CMC1: variants seen among roughly 807,000 people sequenced by gnomAD.
CMC1 encodes the protein C-X9-C motif containing 1.
A neutral mutation model predicts 14.1 loss-of-function variants in CMC1; 14 were observed. That is an observed-to-expected ratio of 0.99 (90% CI 0.66 to 1.55). CMC1 has a LOEUF of 1.55. Ranked by LOEUF, CMC1 falls within the 40% of genes most tolerant of loss-of-function variation. The pLI is 0.00. For missense variants in CMC1, 127 were observed against 123.8 expected, an observed-to-expected ratio of 1.03 and a Z score of -0.12; for synonymous variants, 50 against 38.4, an observed-to-expected ratio of 1.30 and a Z score of -1.12.
chr3:28,258,100 T>C (rs1699518779), intron 1 of CMC1, among the ~76,000 whole-genome samples: 1 of 136,896 alleles, frequency 7.3e-6, no homozygotes, highest in Non-Finnish European at 1.5e-5. Context: ...ACAATTTGCA[T>C]ATCATCTTTT....
At chr3:28,308,764 C>T (rs1702465129) in intron 2 of CMC1, among the ~76,000 whole-genome samples, 1 of 152,042 alleles carries the variant, frequency 6.6e-6, no homozygotes, top group African/African-American at 2.4e-5. Flanking sequence ...GTGGGCGGAT[C>T]ACAAGGTCAG....
At chr3:28,268,950 TATC>T in intron 2 of CMC1, among the ~76,000 whole-genome samples, 1 of 152,354 alleles carries the variant, frequency 6.6e-6, no homozygotes, top group South Asian at 2.1e-4. Flanking sequence ...TATCATTTCA[TATC>T]ATCATCATAA....
chr3:28,250,394 A>T (rs1699073247), intron 1 of CMC1, among the ~76,000 whole-genome samples: 2 of 152,202 alleles, frequency 1.3e-5, no homozygotes, highest in South Asian at 2.1e-4. Flanking sequence ...GAGGTTGAAG[A>T]TGGAAAATAA....
chr3:28,294,624 G>T (rs1701648521), intron 2 of CMC1: 1 of 179,364 alleles, frequency 5.6e-6, no homozygotes, highest in Admixed American at 6.5e-5. Flanking sequence ...ATGTAGGCAA[G>T]TTAAAGTCAA....
intron 2 of CMC1, among the ~76,000 whole-genome samples, chr3:28,302,859 T>C (rs1702123847): frequency 6.6e-6 from 1 of 152,186 alleles, no homozygotes; most frequent in Non-Finnish European, 1.5e-5. Flanking sequence ...GTGAGATACC[T>C]GGCCTGGGTT....
intron 2 of CMC1, among the ~76,000 whole-genome samples, chr3:28,314,471 A>T (rs1325063231): frequency 6.6e-6 from 1 of 152,320 alleles, no homozygotes; most frequent in Non-Finnish European, 1.5e-5. Flanking sequence ...TAAAGAAGAT[A>T]CTTGATTACG....
intron 2 of CMC1, among the ~76,000 whole-genome samples, chr3:28,280,801 G>C (rs1700849166): frequency 6.6e-6 from 1 of 152,210 alleles, no homozygotes; most frequent in Non-Finnish European, 1.5e-5. Flanking sequence ...TGTAGTCACA[G>C]TAAGTGTGTT....
At chr3:28,308,875 C>T (rs543187442) in intron 2 of CMC1, among the ~76,000 whole-genome samples, 15 of 151,798 alleles carry the variant, frequency 9.9e-5, no homozygotes, top group Middle Eastern at 3.4e-3. Flanking sequence ...CCCAGCTACT[C>T]GGGAGGCTGA....
chr3:28,271,455 G>A (rs1162428141), intron 2 of CMC1, among the ~76,000 whole-genome samples: 1 of 152,160 alleles, frequency 6.6e-6, no homozygotes, highest in Non-Finnish European at 1.5e-5. Flanking sequence ...TTATTAAATA[G>A]GGAATCCTTT....
intron 1 of CMC1, among the ~76,000 whole-genome samples, chr3:28,243,700 C>A (rs1490878951): frequency 6.6e-6 from 1 of 152,144 alleles, no homozygotes; most frequent in Admixed American, 6.5e-5. Context: ...GGTATATGTC[C>A]CATATTGTTC....
chr3:28,269,430 T>C (rs1271873227), intron 2 of CMC1, among the ~76,000 whole-genome samples: 1 of 149,408 alleles, frequency 6.7e-6, no homozygotes, highest in Non-Finnish European at 1.5e-5. Flanking sequence ...GCAGTATATT[T>C]TGGTTTTAGA....
At chr3:28,247,599 TTC>T (rs1698893661) in intron 1 of CMC1, among the ~76,000 whole-genome samples, 1 of 152,206 alleles carries the variant, frequency 6.6e-6, no homozygotes, top group Admixed American at 6.5e-5. Context: ...TGCTCCAACA[TTC>T]TCTGCTGCAG....
chr3:28,268,167 A>T (rs1040662734), intron 2 of CMC1, among the ~76,000 whole-genome samples: 1 of 151,764 alleles, frequency 6.6e-6, no homozygotes, highest in African/African-American at 2.4e-5. Context: ...GAACTATCTC[A>T]TGGGTTCCCA....
chr3:28,306,988 T>C (rs531392432), intron 2 of CMC1, among the ~76,000 whole-genome samples: 59 of 152,306 alleles, frequency 3.9e-4, no homozygotes, highest in African/African-American at 1.3e-3. Context: ...CATAATTTTG[T>C]TGAAGTTAAG....
intron 2 of CMC1, among the ~76,000 whole-genome samples, chr3:28,300,935 T>G (rs1702013006): frequency 8.4e-6 from 1 of 119,220 alleles, no homozygotes; most frequent in Non-Finnish European, 1.7e-5. Flanking sequence ...CGTGTACACA[T>G]GCACACCCCC....
intron 2 of CMC1, among the ~76,000 whole-genome samples, chr3:28,278,924 CAGAA>C (rs1305058928): frequency 2.6e-5 from 4 of 152,102 alleles, no homozygotes; most frequent in Admixed American, 1.3e-4. Flanking sequence ...TGGGGTCAAT[CAGAA>C]AGAATGTCAT....
Position 28,319,705 on chromosome 3 carries a change from G to C in CMC1, c.*76G>C, listed in dbSNP as rs1703124652. 2 of 1,145,222 alleles carry C rather than the reference G, an allele frequency of 1.7e-6. No individual in the cohort carries two copies. Among genetic ancestry groups the C allele is most frequent in the African/African-American group, 1.6e-5 (1 of 63,000 alleles). The allele number at this position is 1,145,222 out of a possible 1,614,324, so 70.9% of individuals were successfully genotyped here. A position where few individuals can be genotyped will look rare whatever the true frequency, so the allele number is the denominator to read the frequency against. ...TATAGTCCTTAAATAATGGACTCAA[G>C]CATATATGTTTGCTTTACCTTAATT... On this transcript the variant is annotated 3_prime_UTR_variant, in exon 4 of 4. Coordinates refer to ENST00000466830, the MANE Select transcript of CMC1 (RefSeq NM_182523.2).
At chr3:28,282,311 G>A (rs928854842) in intron 2 of CMC1, among the ~76,000 whole-genome samples, 1 of 152,168 alleles carries the variant, frequency 6.6e-6, no homozygotes, top group Non-Finnish European at 1.5e-5. Flanking sequence ...CCCTATCTCA[G>A]ATTGCTGTGG....
Position 28,319,440 on chromosome 3 carries a change from TTAAAG to T in CMC1, c.201-65_201-61del, listed in dbSNP as rs1288028275. ...GAACCAGATGTCTGAATATTAGTAA[TTAAAG>T]TAAGCTTACATTTAACACATGCAGG... On this transcript the variant is annotated intron_variant, in intron 3 of 3. Transcript: ENST00000466830. 14 of 1,357,710 alleles carry T rather than the reference TTAAAG, an allele frequency of 1.0e-5. No homozygotes were observed. In the East Asian group the frequency reaches 3.2e-4, roughly 32 times the overall value. 84.1% of individuals were successfully genotyped at this position (1,357,710 alleles called of 1,614,324 possible). A position where few individuals can be genotyped will look rare whatever the true frequency, so the allele number is the denominator to read the frequency against.
Sources: allele counts gnomAD v4.1 joint callset (sites outside exome capture counted in the v4.1 genomes callset), GRCh38; gene constraint gnomAD v4.1.1; transcripts MANE v1.5; gene names NCBI Gene and HGNC (gene_info 2026-07-23, HGNC 2026-07-21).